LMTK2: variants seen among roughly 807,000 people sequenced by gnomAD.
The protein encoded by LMTK2 is serine/threonine-protein kinase LMTK2.
In LMTK2, 37 loss-of-function variants were observed where a neutral mutation model predicts 127.5. The observed-to-expected ratio is 0.29, with a 90% confidence interval of 0.22 to 0.38. The LOEUF is 0.38. Ranked by LOEUF, LMTK2 falls within the 10% of genes least tolerant of loss-of-function variation. The pLI is 1.00. For missense variants in LMTK2, 1,694 were observed against 1,920.3 expected, an observed-to-expected ratio of 0.88 and a Z score of 2.20; for synonymous variants, 819 against 810.1, an observed-to-expected ratio of 1.01 and a Z score of -0.19.
chr7:98,152,043 G>A (rs1796865758), intron 4 of LMTK2, among the ~76,000 whole-genome samples: 1 of 152,184 alleles, frequency 6.6e-6, no homozygotes. Context: ...AGGGAAAAGA[G>A]ACCTGGAATC....
intron 1 of LMTK2, among the ~76,000 whole-genome samples, chr7:98,115,780 T>G (rs1386995985): frequency 3.3e-5 from 5 of 152,046 alleles, no homozygotes; most frequent in Non-Finnish European, 1.5e-5. Context: ...AGAGCAAGAC[T>G]CCATCTCAAA....
intron 11 of LMTK2, among the ~76,000 whole-genome samples, chr7:98,202,743 G>A (rs1288981752): frequency 2.0e-5 from 3 of 152,172 alleles, no homozygotes; most frequent in Non-Finnish European, 4.4e-5. Flanking sequence ...CAAAGCTTGG[G>A]TGTGTTCAGA....
chr7:98,193,498 C>T lies in LMTK2; in HGVS notation c.3033C>T (p.Asp1011=). Residue 1011 remains aspartate (D), a synonymous_variant, in exon 11 of 14, where the codon GAC becomes GAT. Coordinates refer to ENST00000297293, the MANE Select transcript of LMTK2 (RefSeq NM_014916.4). This position sits in a 1 kb window ranked among gnomAD's most constrained non-coding sequence, Gnocchi z 4.1. ...TGGATGTCCACGAAGCGCTACTGGA[C>T]TCTTTAGGATCTCACACTCCCCAGA... ...ESVDVHEALL[D]SLGSHTPQKL... 6.2e-7 allele frequency: 1 copy of T among 1,614,162 alleles called. No homozygotes were observed. Among genetic ancestry groups the T allele is most frequent in the Non-Finnish European group, 8.5e-7 (1 of 1,180,026 alleles).
chr7:98,159,241 G>T, intron 5 of LMTK2, 97 bp from the exon 6 acceptor site: 1 of 659,942 alleles, frequency 1.5e-6, no homozygotes, highest in Non-Finnish European at 2.5e-6. Context: ...AAAAAATTTG[G>T]ATTACTATTT....
At chr7:98,138,171 G>A (rs752590325) in intron 2 of LMTK2, among the ~76,000 whole-genome samples, 1 of 152,174 alleles carries the variant, frequency 6.6e-6, no homozygotes, top group Non-Finnish European at 1.5e-5. Flanking sequence ...GGAATACATG[G>A]GGGGGAGAAG....
chr7:98,203,539 C>A, intron 11 of LMTK2, 35 bp from the exon 12 acceptor site: 1 of 1,568,664 alleles, frequency 6.4e-7, no homozygotes, highest in Non-Finnish European at 8.6e-7. Context: ...CGTGAGCAGG[C>A]CTTTGCTGAC....
At chr7:98,162,625 C>T (rs1797031826) in intron 6 of LMTK2, among the ~76,000 whole-genome samples, 1 of 152,184 alleles carries the variant, frequency 6.6e-6, no homozygotes, top group African/African-American at 2.4e-5. Flanking sequence ...CAAAAGCTTC[C>T]ACTGGCAGTG....
chr7:98,147,303 C>A (rs192657091), intron 3 of LMTK2, among the ~76,000 whole-genome samples: 1 of 152,022 alleles, frequency 6.6e-6, no homozygotes, highest in East Asian at 1.9e-4. Context: ...ACTGCAGCCT[C>A]GACTTCCTGG....
At chr7:98,118,965 G>A (rs907670309) in intron 1 of LMTK2, among the ~76,000 whole-genome samples, 1 of 152,122 alleles carries the variant, frequency 6.6e-6, no homozygotes, top group Non-Finnish European at 1.5e-5. Flanking sequence ...GGTGGCGGGT[G>A]CCTGTAGTCC....
chr7:98,198,478 C>T (rs925529893), intron 11 of LMTK2, among the ~76,000 whole-genome samples: 2 of 152,160 alleles, frequency 1.3e-5, no homozygotes, highest in African/African-American at 2.4e-5. Context: ...CCTGAGCTAC[C>T]GCGCCTGGCC....
chr7:98,125,005 AAC>A (rs1352410610), intron 1 of LMTK2, among the ~76,000 whole-genome samples: 12 of 152,326 alleles, frequency 7.9e-5, no homozygotes, highest in African/African-American at 2.9e-4. Flanking sequence ...CATAAAAAAT[AAC>A]AGTCTCCCCA....
intron 3 of LMTK2, among the ~76,000 whole-genome samples, chr7:98,146,844 C>T (rs1796781438): frequency 6.6e-6 from 1 of 152,144 alleles, no homozygotes; most frequent in South Asian, 2.1e-4. Context: ...TACTGGAGAT[C>T]TTTATTTCTT....
rs202096792 is a variant in LMTK2 at position 98,170,533 on chromosome 7, CTTT to C, written c.658-998_658-996del. Among the ~76,000 whole-genome samples, 1,002 of 142,588 alleles carry C rather than the reference CTTT, an allele frequency of 7.0e-3. 13 individuals carry two copies. Among genetic ancestry groups the C allele is most frequent in the African/African-American group, 0.024 (949 of 39,272 alleles). 93.5% of individuals were successfully genotyped at this position (142,588 alleles called of 152,430 possible). A position where few individuals can be genotyped will look rare whatever the true frequency, so the allele number is the denominator to read the frequency against. On this transcript the variant is annotated intron_variant, in intron 6 of 13. Transcript: ENST00000297293. The stretch of plus-strand genomic sequence containing the variant: ...AAGGAAAATGCCCTTCCTCAGGAGT[CTTT>C]TTTTTTTTTCTTTTTTTTCCCGCTC...
intron 7 of LMTK2, among the ~76,000 whole-genome samples, chr7:98,177,392 CAT>C (rs1264643826): frequency 3.9e-5 from 6 of 152,206 alleles, no homozygotes; most frequent in South Asian, 4.1e-4. Context: ...TGTAAAATAA[CAT>C]GTGGACACAT....
At chr7:98,203,529 C>T (rs372766999) in intron 11 of LMTK2, 45 bp from the exon 12 acceptor site, 960 of 1,555,764 alleles carry the variant, frequency 6.2e-4, no homozygotes, top group Non-Finnish European at 7.8e-4. Context: ...GGGGGGTTCC[C>T]GTGAGCAGGC....
intron 1 of LMTK2, among the ~76,000 whole-genome samples, chr7:98,109,018 T>C (rs180884486): frequency 3.3e-5 from 5 of 152,058 alleles, no homozygotes; most frequent in African/African-American, 1.2e-4. Flanking sequence ...CCTGCCACCA[T>C]GTCCGGCTAA....
In LMTK2 at chr7:98,206,127, T is replaced by C. The variant is rs907340478; in HGVS notation, c.*635T>C. On this transcript the variant is annotated 3_prime_UTR_variant, in exon 14 of 14. Coordinates refer to ENST00000297293, the MANE Select transcript of LMTK2 (RefSeq NM_014916.4). ...CATGGTACTTGTGAAGCTTAAATATTTTGAGTGTTCTACTGTGTCTAGGAT... is the reference window on the plus strand; with the variant it reads ...CATGGTACTTGTGAAGCTTAAATATCTTGAGTGTTCTACTGTGTCTAGGAT... 1 of 152,872 alleles carries C rather than the reference T, an allele frequency of 6.5e-6. No homozygotes were observed. Among genetic ancestry groups the C allele is most frequent in the Non-Finnish European group, 1.5e-5 (1 of 68,360 alleles). The allele number at this position is 152,872 out of a possible 1,614,324, so 9.5% of individuals were successfully genotyped here.
rs374925292 is a variant in LMTK2, at chr7:98,129,742, T to TGCTTGCTTATTTTCCCTC, written c.104-7565_104-7548dup. Among the ~76,000 whole-genome samples the TGCTTGCTTATTTTCCCTC allele has an allele frequency of 8.5e-3, 1,298 of 152,206 alleles. 22 individuals are homozygous for TGCTTGCTTATTTTCCCTC. The highest frequency in any genetic ancestry group is 0.029 in the African/African-American group (1,211 of 41,502). The stretch of plus-strand genomic sequence containing the variant: ...TGTTGTTTTTCCTGTTTCGTTCCCT[T>TGCTTGCTTATTTTCCCTC]GCTTGCTTATTTTCCCTCGCTTGCT... On this transcript the variant is annotated intron_variant, in intron 1 of 13. Coordinates refer to ENST00000297293, the MANE Select transcript of LMTK2 (RefSeq NM_014916.4).
chr7:98,113,006 C>G (rs1796225398), intron 1 of LMTK2, among the ~76,000 whole-genome samples: 1 of 152,002 alleles, frequency 6.6e-6, no homozygotes, highest in African/African-American at 2.4e-5. Flanking sequence ...CACCTACAGA[C>G]ACTTACCTGT....
Sources: gnomAD v4.1 joint callset for allele counts (sites outside exome capture counted in the v4.1 genomes callset) on GRCh38, gnomAD v4.1.1 for gene constraint, Gnocchi (gnomAD v3.1) non-coding constraint, MANE v1.5 for transcripts, NCBI Gene and HGNC (gene_info 2026-07-23, HGNC 2026-07-21) for gene names.